The following USP37 variants were observed in gnomAD, a reference collection of about 807,000 sequenced individuals.
USP37 encodes the protein ubiquitin carboxyl-terminal hydrolase 37.
Under a neutral mutation model 124.0 loss-of-function variants are expected in USP37, and 27 were observed. The observed-to-expected ratio is 0.22, with a 90% CI of 0.16 to 0.30. USP37 has a LOEUF of 0.30. Ranked by LOEUF, USP37 falls within the 10% of genes least tolerant of loss-of-function variation. The probability of loss-of-function intolerance (pLI) is 1.00; values close to 1 mark genes in which losing one functional copy is unlikely to be tolerated. For synonymous variants in USP37, 365 were observed against 388.0 expected (o/e 0.94, Z 0.70); for missense variants, 889 against 1,140.4 (o/e 0.78, Z 3.17).
intron 20 of USP37, chr2:218,473,196 C>T (rs1376012166): frequency 6.6e-6 from 1 of 152,144 alleles, no homozygotes; most frequent in African/African-American, 2.4e-5. Context: ...TTACCTCTTC[C>T]TGTAGCTGTC....
At chr2:218,460,894 T>C (rs1360667665) in intron 22 of USP37, among the ~76,000 whole-genome samples, 1 of 151,972 alleles carries the variant, frequency 6.6e-6, no homozygotes, top group African/African-American at 2.4e-5. Context: ...TGAGCCGAGA[T>C]TGCGCCACTG....
intron 10 of USP37, among the ~76,000 whole-genome samples, chr2:218,512,610 T>C (rs907729286): frequency 6.6e-6 from 1 of 152,172 alleles, no homozygotes; most frequent in East Asian, 1.9e-4. Flanking sequence ...CAAATTTTCA[T>C]AAAACAAACA....
At chr2:218,464,239 C>CT (rs71403042) in intron 21 of USP37, among the ~76,000 whole-genome samples, 3,059 of 142,684 alleles carry the variant, frequency 0.021, 35 homozygotes, top group African/African-American at 0.027. Context: ...AATTAGATTT[C>CT]TTTTTTTTTT....
chr2:218,514,683 A>C (rs773373932), intron 10 of USP37, among the ~76,000 whole-genome samples: 5 of 152,180 alleles, frequency 3.3e-5, no homozygotes, highest in Admixed American at 6.5e-5. Flanking sequence ...CTATGCAAAT[A>C]CCCTGTTTCT....
intron 10 of USP37, among the ~76,000 whole-genome samples, chr2:218,516,696 TAAAGTA>T (rs1385453304): frequency 6.6e-6 from 1 of 152,048 alleles, no homozygotes; most frequent in Non-Finnish European, 1.5e-5. Context: ...TCCCAGAACT[TAAAGTA>T]AAATAAAATA....
At chr2:218,510,644 C>T (rs1222204777) in intron 10 of USP37, among the ~76,000 whole-genome samples, 3 of 152,190 alleles carry the variant, frequency 2.0e-5, no homozygotes, top group Non-Finnish European at 4.4e-5. Flanking sequence ...GTTTATACTT[C>T]AAACAACAGT....
Position 218,461,946 on chromosome 2 carries a change from C to T in USP37, c.2527+1360G>A, listed in dbSNP as rs9808258. Among the ~76,000 whole-genome samples, 297 of 152,332 alleles carry T rather than the reference C, an allele frequency of 1.9e-3. 2 individuals carry two copies. Among genetic ancestry groups the T allele is most frequent in the African/African-American group, 6.6e-3 (273 of 41,578 alleles). On this transcript the variant is annotated intron_variant, in intron 22 of 25. Transcript: ENST00000258399. Reference sequence around the variant, plus strand: ...CCAACGCAGGTGGATCACCTAAGGTCAAGAGTTCGAGACCTGCCTGGCCAA... The same window carrying T: ...CCAACGCAGGTGGATCACCTAAGGTTAAGAGTTCGAGACCTGCCTGGCCAA...
At chr2:218,474,525 C>T (rs1186936849) in intron 20 of USP37, 105 bp downstream of exon 20, 8 of 1,491,132 alleles carry the variant, frequency 5.4e-6, no homozygotes, top group Admixed American at 2.0e-5. Context: ...CCATGCTCAG[C>T]TAATTTTTCT....
intron 11 of USP37, among the ~76,000 whole-genome samples, chr2:218,502,970 TA>T (rs1435348891): frequency 6.6e-6 from 1 of 152,126 alleles, no homozygotes; most frequent in Non-Finnish European, 1.5e-5. Context: ...TCAGAAATTA[TA>T]CAAAAAAGAA....
At chr2:218,557,930 C>CAAAAAAAAAAAAAA (rs61488353) in intron 4 of USP37, among the ~76,000 whole-genome samples, 7 of 35,668 alleles carry the variant, frequency 2.0e-4, no homozygotes, top group Non-Finnish European at 3.2e-4. Context: ...GACTCTGTCT[C>CAAAAAAAAAAAAAA]AAAAAAAAAA....
At chr2:218,520,506 C>T (rs554357815) in intron 10 of USP37, among the ~76,000 whole-genome samples, 3 of 152,100 alleles carry the variant, frequency 2.0e-5, no homozygotes, top group East Asian at 1.9e-4. Context: ...TACGCCACCA[C>T]GCCCAGCTAA....
chr2:218,527,803 C>T (rs575981166), intron 10 of USP37, among the ~76,000 whole-genome samples: 136 of 152,188 alleles, frequency 8.9e-4, no homozygotes, highest in African/African-American at 3.3e-3. Flanking sequence ...CTTGAGATAC[C>T]ACCCAAGGCT....
chr2:218,562,627 T>C (rs930223445), intron 2 of USP37, 46 bp downstream of exon 2: 5 of 397,728 alleles, frequency 1.3e-5, no homozygotes, highest in African/African-American at 2.1e-5. Context: ...TCCCGCCAGA[T>C]TGCATGCTCT....
intron 11 of USP37, among the ~76,000 whole-genome samples, chr2:218,504,209 T>C (rs1689551209): frequency 1.3e-5 from 2 of 152,228 alleles, no homozygotes; most frequent in Non-Finnish European, 1.5e-5. Context: ...ACCTAAGTTC[T>C]ACTTTACTGG....
intron 1 of USP37, among the ~76,000 whole-genome samples, chr2:218,565,349 C>T (rs1693535660): frequency 6.6e-6 from 1 of 152,194 alleles, no homozygotes; most frequent in African/African-American, 2.4e-5. Flanking sequence ...CAAACCACTA[C>T]TCTGATTTTT....
intron 11 of USP37, chr2:218,500,583 C>G (rs1231322921): frequency 6.6e-6 from 1 of 152,082 alleles, no homozygotes; most frequent in Non-Finnish European, 1.5e-5. Flanking sequence ...CCCATGTTGG[C>G]CAGGCTGCTC....
intron 11 of USP37, chr2:218,498,407 CTACTT>C (rs1382723879): frequency 1.0e-4 from 26 of 258,596 alleles, no homozygotes; most frequent in Non-Finnish European, 1.7e-4. Flanking sequence ...TCTGGGGACT[CTACTT>C]TGAGAACTAC....
At chr2:218,480,944 A>G (rs1691242521) in intron 17 of USP37, among the ~76,000 whole-genome samples, 1 of 152,236 alleles carries the variant, frequency 6.6e-6, no homozygotes, top group Admixed American at 6.5e-5. Context: ...GTAAACTTCT[A>G]TGAGACGTGG....
intron 10 of USP37, among the ~76,000 whole-genome samples, chr2:218,512,973 T>G (rs1425665047): frequency 6.6e-6 from 1 of 152,266 alleles, no homozygotes; most frequent in South Asian, 2.1e-4. Flanking sequence ...TTTCTTGAAT[T>G]TTATGATGCA....
Sources: allele counts gnomAD v4.1 joint callset (sites outside exome capture counted in the v4.1 genomes callset), GRCh38; gene constraint gnomAD v4.1.1; transcripts MANE v1.5; gene names NCBI Gene and HGNC (gene_info 2026-07-23, HGNC 2026-07-21).